The following RANBP2 variants were observed in gnomAD, a reference collection of about 807,000 sequenced individuals.
The protein encoded by RANBP2 is E3 SUMO-protein ligase RanBP2.
RANBP2 carries 57 observed loss-of-function variants against 303.6 expected under a neutral mutation model. The observed-to-expected ratio is 0.19, with a 90% CI of 0.15 to 0.23. The LOEUF is 0.23. RANBP2 is among the 10% of genes least tolerant of loss of function. The pLI, the probability that RANBP2 is intolerant of heterozygous loss-of-function variation, is 1.00. For missense variants in RANBP2, 3,138 were observed against 3,780.8 expected (o/e 0.83, Z 4.46); for synonymous variants, 1,167 against 1,301.5 (o/e 0.90, Z 2.23).
chr2:108,735,450 G>C, intron 4 of RANBP2, 82 bp from the exon 5 acceptor site: 1 of 1,596,900 alleles, frequency 6.3e-7, no homozygotes, highest in Non-Finnish European at 8.5e-7. Context: ...AGACATAGTG[G>C]AATGGTGCTC....
At chr2:109,780,125 C>CT in the RANBP2 span, among the ~76,000 whole-genome samples, 2 of 94,016 alleles carry the variant, frequency 2.1e-5, no homozygotes, top group African/African-American at 8.8e-5. Flanking sequence ...TGATATTTTT[C>CT]TTTAGTTTAT....
At chr2:109,115,179 T>A in the RANBP2 span, among the ~76,000 whole-genome samples, 1 of 151,904 alleles carries the variant, frequency 6.6e-6, no homozygotes, top group Admixed American at 6.6e-5. Flanking sequence ...AATTCCCGGG[T>A]ATCCTTGTTA....
At chr2:108,916,599 G>A in the RANBP2 span, among the ~76,000 whole-genome samples, 1 of 152,154 alleles carries the variant, frequency 6.6e-6, no homozygotes, top group Non-Finnish European at 1.5e-5. Flanking sequence ...CCAACTAAAC[G>A]GTCCCCAACT....
chr2:109,374,155 C>G, the RANBP2 span, among the ~76,000 whole-genome samples: 2 of 152,192 alleles, frequency 1.3e-5, no homozygotes, highest in Admixed American at 6.5e-5. Context: ...GGGCACAGTC[C>G]CTTCCACCCA....
intron 6 of RANBP2, among the ~76,000 whole-genome samples, chr2:108,739,474 G>A (rs538719854): frequency 6.5e-4 from 99 of 151,882 alleles, no homozygotes; most frequent in African/African-American, 2.3e-3. Context: ...ATTTTTTTTT[G>A]GTATTATCGT....
At chr2:109,416,376 C>T in the RANBP2 span, among the ~76,000 whole-genome samples, 3 of 151,930 alleles carry the variant, frequency 2.0e-5, no homozygotes, top group Non-Finnish European at 2.9e-5. Context: ...GGGCAGATCA[C>T]CTGAGGTCAG....
chr2:109,451,952 CCA>C, the RANBP2 span, among the ~76,000 whole-genome samples: 1 of 152,206 alleles, frequency 6.6e-6, no homozygotes, highest in East Asian at 1.9e-4. Context: ...GAGCTTATGT[CCA>C]GAGGTTCAGC....
At chr2:109,061,908 G>A in the RANBP2 span, among the ~76,000 whole-genome samples, 5 of 152,086 alleles carry the variant, frequency 3.3e-5, no homozygotes, top group Admixed American at 3.3e-4. Flanking sequence ...TCCCAGCAGT[G>A]GGGGTCAGCT....
At chr2:109,645,227 C>T in the RANBP2 span, among the ~76,000 whole-genome samples, 3,564 of 152,264 alleles carry the variant, frequency 0.023, 106 homozygotes, top group South Asian at 0.11. Context: ...CGAGAGGCAA[C>T]CAAGGTTTAA....
the RANBP2 span, among the ~76,000 whole-genome samples, chr2:109,058,290 T>C: frequency 3.2e-3 from 490 of 152,340 alleles, 2 homozygotes; most frequent in Non-Finnish European, 3.2e-3. Context: ...GGGTACTGAC[T>C]TCCCAGCCAG....
chr2:109,216,656 G>A, the RANBP2 span, among the ~76,000 whole-genome samples: 584 of 152,342 alleles, frequency 3.8e-3, 2 homozygotes, highest in Non-Finnish European at 6.0e-3. Flanking sequence ...CATGCTCACT[G>A]GAACCTCCTG....
the RANBP2 span, among the ~76,000 whole-genome samples, chr2:109,059,309 C>T: frequency 6.6e-6 from 1 of 152,164 alleles, no homozygotes; most frequent in Admixed American, 6.5e-5. Flanking sequence ...GGCAAGGTGG[C>T]TCACGCCTGT....
the RANBP2 span, among the ~76,000 whole-genome samples, chr2:109,629,703 C>T: frequency 5.1e-4 from 78 of 151,620 alleles, no homozygotes; most frequent in South Asian, 6.3e-4. Context: ...CCCAGCTACT[C>T]GGGAGGCTGA....
the RANBP2 span, among the ~76,000 whole-genome samples, chr2:108,845,628 G>A: frequency 1.4e-5 from 2 of 146,002 alleles, no homozygotes; most frequent in African/African-American, 5.1e-5. Flanking sequence ...CTGGAGTGCA[G>A]TGGTGCGACC....
the RANBP2 span, among the ~76,000 whole-genome samples, chr2:109,777,139 C>CT: frequency 1.8e-5 from 2 of 110,776 alleles, 1 homozygote; most frequent in African/African-American, 6.6e-5. Flanking sequence ...GAAAGGAAAG[C>CT]TTTGTCATTC....
At chr2:109,303,055 T>C in the RANBP2 span, among the ~76,000 whole-genome samples, 2 of 152,122 alleles carry the variant, frequency 1.3e-5, no homozygotes, top group Non-Finnish European at 2.9e-5. Context: ...TTTGTATTTT[T>C]GGTAGAGGCG....
chr2:108,823,852 CTG>C, the RANBP2 span, among the ~76,000 whole-genome samples: 4 of 152,084 alleles, frequency 2.6e-5, no homozygotes, highest in Non-Finnish European at 4.4e-5. Context: ...TGGCGGGCAT[CTG>C]TAATCCCAGC....
chr2:108,748,254 C>T (rs1156816875), intron 8 of RANBP2, among the ~76,000 whole-genome samples: 2 of 150,794 alleles, frequency 1.3e-5, no homozygotes, highest in East Asian at 3.9e-4. Flanking sequence ...GTCGCCCGGG[C>T]TGGAGTGCAG....
the RANBP2 span, among the ~76,000 whole-genome samples, chr2:108,937,717 A>G: frequency 6.6e-5 from 10 of 151,248 alleles, no homozygotes; most frequent in South Asian, 2.1e-4. Flanking sequence ...ATGTGTGTGT[A>G]TGTGTGTGTG....
Sources: allele counts gnomAD v4.1 joint callset (sites outside exome capture counted in the v4.1 genomes callset), GRCh38; gene constraint gnomAD v4.1.1; transcripts MANE v1.5; gene names NCBI Gene and HGNC (gene_info 2026-07-23, HGNC 2026-07-21).